The following GRID2 variants were observed in gnomAD, a reference collection of about 807,000 sequenced individuals.
GRID2 encodes the protein glutamate receptor ionotropic, delta-2.
Under a neutral mutation model 114.8 loss-of-function variants are expected in GRID2, and 33 were observed. The observed-to-expected ratio is 0.29, with a 90% confidence interval of 0.22 to 0.38. The LOEUF (loss-of-function observed/expected upper bound fraction) is 0.38, where lower values mean the gene tolerates loss of function less well. Ranked by LOEUF, GRID2 falls within the 10% of genes least tolerant of loss-of-function variation. The probability of loss-of-function intolerance (pLI) is 1.00; values close to 1 mark genes in which losing one functional copy is unlikely to be tolerated. For synonymous variants in GRID2, 505 were observed against 449.9 expected (o/e 1.12, Z -1.55); for missense variants, 1,184 against 1,257.7 (o/e 0.94, Z 0.89).
intron 2 of GRID2, among the ~76,000 whole-genome samples, chr4:92,895,496 G>A (rs1411317099): frequency 6.7e-6 from 1 of 150,278 alleles, no homozygotes; most frequent in African/African-American, 2.5e-5. Flanking sequence ...AGAATCAAAG[G>A]CTCTATCTGA....
chr4:92,411,273 T>C (rs1022823037), intron 1 of GRID2, among the ~76,000 whole-genome samples: 2 of 152,106 alleles, frequency 1.3e-5, no homozygotes, highest in African/African-American at 4.8e-5. Flanking sequence ...GAATGGACCT[T>C]TAGAATTTTT....
chr4:92,843,321 C>T (rs992999545), intron 2 of GRID2, among the ~76,000 whole-genome samples: 1 of 151,960 alleles, frequency 6.6e-6, no homozygotes, highest in African/African-American at 2.4e-5. Context: ...TTCATAAATT[C>T]AGCCATCAAC....
intron 4 of GRID2, chr4:93,112,125 T>C (rs528087623): frequency 1.3e-5 from 2 of 152,254 alleles, no homozygotes; most frequent in South Asian, 4.1e-4. Flanking sequence ...ATCTGGAAGA[T>C]GGGAGTGAGT....
intron 1 of GRID2, among the ~76,000 whole-genome samples, chr4:92,420,981 G>A (rs935678817): frequency 2.8e-4 from 42 of 152,172 alleles, no homozygotes; most frequent in African/African-American, 9.9e-4. Flanking sequence ...CAAGCTGCCT[G>A]GCCCTCACAC....
intron 2 of GRID2, among the ~76,000 whole-genome samples, chr4:92,867,285 C>A (rs1744936408): frequency 6.6e-6 from 1 of 151,900 alleles, no homozygotes; most frequent in African/African-American, 2.4e-5. Context: ...AGCACAAAGT[C>A]ACTGAAAAAA....
chr4:93,190,654 C>T (rs1438343157), intron 4 of GRID2, among the ~76,000 whole-genome samples: 1 of 152,016 alleles, frequency 6.6e-6, no homozygotes, highest in East Asian at 1.9e-4. Context: ...GATTTTTGAA[C>T]AGTGTCAACT....
At chr4:92,911,557 G>T (rs900884451) in intron 2 of GRID2, among the ~76,000 whole-genome samples, 1 of 151,792 alleles carries the variant, frequency 6.6e-6, no homozygotes, top group Non-Finnish European at 1.5e-5. Flanking sequence ...TATGTCATTT[G>T]TGCATATCTT....
chr4:92,565,482 A>G (rs1332782642), intron 1 of GRID2, among the ~76,000 whole-genome samples: 5 of 152,006 alleles, frequency 3.3e-5, no homozygotes, highest in Non-Finnish European at 7.4e-5. Context: ...AATCTTTCAC[A>G]ATTGCTGGTT....
chr4:93,417,851 A>G (rs560817756), intron 9 of GRID2, among the ~76,000 whole-genome samples: 11 of 151,392 alleles, frequency 7.3e-5, no homozygotes, highest in Non-Finnish European at 1.0e-4. Context: ...TATCTTTTCC[A>G]TGTTGATGGG....
chr4:92,899,034 A>G (rs1189457269), intron 2 of GRID2, among the ~76,000 whole-genome samples: 3 of 152,124 alleles, frequency 2.0e-5, no homozygotes, highest in Non-Finnish European at 2.9e-5. Context: ...AGCATCTTCA[A>G]TATCAAAATT....
chr4:93,762,846 C>A (rs1733328368), intron 14 of GRID2, among the ~76,000 whole-genome samples: 1 of 152,046 alleles, frequency 6.6e-6, no homozygotes, highest in Admixed American at 6.6e-5. Flanking sequence ...ATGGACCTGC[C>A]TTGGGCCCCT....
chr4:92,923,143 A>G (rs1175329835), intron 2 of GRID2, among the ~76,000 whole-genome samples: 1 of 152,190 alleles, frequency 6.6e-6, no homozygotes, highest in Non-Finnish European at 1.5e-5. Flanking sequence ...GTGTTATATA[A>G]TCACTATGTA....
chr4:93,251,469 G>A (rs1748924266), intron 8 of GRID2, among the ~76,000 whole-genome samples: 1 of 152,096 alleles, frequency 6.6e-6, no homozygotes, highest in Non-Finnish European at 1.5e-5. Flanking sequence ...GTATCATGTT[G>A]AATTAATTTG....
At chr4:93,505,888 G>A (rs1481577364) in intron 12 of GRID2, among the ~76,000 whole-genome samples, 2 of 151,972 alleles carry the variant, frequency 1.3e-5, no homozygotes, top group Admixed American at 1.3e-4. Flanking sequence ...TTGTAATGTG[G>A]GTCAATAAGT....
intron 2 of GRID2, among the ~76,000 whole-genome samples, chr4:92,736,697 G>A (rs1015909903): frequency 2.0e-5 from 3 of 152,094 alleles, no homozygotes; most frequent in African/African-American, 7.2e-5. Context: ...CCTGGGGAAT[G>A]TAATTATAAT....
At chr4:92,833,875 T>C (rs1302533729) in intron 2 of GRID2, 1 of 152,198 alleles carries the variant, frequency 6.6e-6, no homozygotes, top group Admixed American at 6.6e-5. Context: ...TGGGTGACGA[T>C]CACTCCTGAG....
At chr4:93,050,739 T>C in intron 2 of GRID2, among the ~76,000 whole-genome samples, 1 of 152,030 alleles carries the variant, frequency 6.6e-6, no homozygotes, top group Non-Finnish European at 1.5e-5. Flanking sequence ...CTGTCCTAGA[T>C]GAAGCTACAG....
intron 2 of GRID2, among the ~76,000 whole-genome samples, chr4:92,884,016 T>A (rs572469635): frequency 1.3e-5 from 2 of 152,194 alleles, no homozygotes; most frequent in Non-Finnish European, 2.9e-5. Context: ...GCTATGAAAG[T>A]CCTAGATGGC....
At position 93,177,338 on chromosome 4, in the gene GRID2, C is replaced by T. The variant is rs188874389; in HGVS notation, c.736-30066C>T. Among the ~76,000 whole-genome samples the T allele has an allele frequency of 5.3e-5, 8 of 151,964 alleles. No individual in the cohort carries two copies. The South Asian group carries it at 6.2e-4, about 12-fold the overall frequency. On this transcript the variant is annotated intron_variant, in intron 4 of 15. Coordinates refer to ENST00000282020, the MANE Select transcript of GRID2 (RefSeq NM_001510.4). Reference sequence around the variant, plus strand: ...AATATAATAGCTAATATTTATTGACCGGGCCCTGCTTTTAGCCTTTTCATG... The same window carrying T: ...AATATAATAGCTAATATTTATTGACTGGGCCCTGCTTTTAGCCTTTTCATG...
Sources: allele counts gnomAD v4.1 joint callset (sites outside exome capture counted in the v4.1 genomes callset), GRCh38; gene constraint gnomAD v4.1.1; transcripts MANE v1.5; gene names NCBI Gene and HGNC (gene_info 2026-07-23, HGNC 2026-07-21).